The following EPHA6 variants were observed in gnomAD, a reference collection of about 807,000 sequenced individuals.
EPHA6 encodes the protein ephrin type-A receptor 6.
In EPHA6, 50 loss-of-function variants were observed where a neutral mutation model predicts 112.0. That is an observed-to-expected ratio of 0.45 (90% CI 0.36 to 0.56). EPHA6 has a LOEUF of 0.56. Ranked by LOEUF, EPHA6 falls within the 20% of genes least tolerant of loss-of-function variation. The pLI, the probability that EPHA6 is intolerant of heterozygous loss-of-function variation, is 0.00. For synonymous variants in EPHA6, 529 were observed against 490.7 expected (o/e 1.08, Z -1.03); for missense variants, 1,280 against 1,417.4 (o/e 0.90, Z 1.56).
intron 11 of EPHA6, among the ~76,000 whole-genome samples, chr3:97,590,692 A>G (rs535156847): frequency 6.6e-6 from 1 of 152,186 alleles, no homozygotes; most frequent in Non-Finnish European, 1.5e-5. Flanking sequence ...CAATAAATCC[A>G]TAATCAGCTA....
At position 97,534,468 on chromosome 3, in the gene EPHA6, T is replaced by C. The variant is rs1239997985; in HGVS notation, c.2386+1925T>C. Among the ~76,000 whole-genome samples, 48 of 150,514 alleles carry C rather than the reference T, an allele frequency of 3.2e-4. No individual in the cohort carries two copies. The East Asian group carries it at 8.0e-3, about 25-fold the overall frequency. ...TTAAAACCCACCCCCCCCTTTTTTT[T>C]TTTTTGCTTTTGCTATATCCCTTTG... On this transcript the variant is annotated intron_variant, in intron 11 of 17. Coordinates refer to ENST00000389672, the MANE Select transcript of EPHA6 (RefSeq NM_001080448.3).
chr3:97,293,548 A>G (rs901433132), intron 5 of EPHA6, among the ~76,000 whole-genome samples: 1 of 152,224 alleles, frequency 6.6e-6, no homozygotes, highest in Non-Finnish European at 1.5e-5. Flanking sequence ...AGCTCCATTC[A>G]TGCAGCAGGT....
intron 3 of EPHA6, among the ~76,000 whole-genome samples, chr3:97,052,696 G>A (rs1332467790): frequency 1.3e-5 from 2 of 151,998 alleles, no homozygotes; most frequent in African/African-American, 4.8e-5. Context: ...TCCTGACTGG[G>A]GTTTGGATTT....
At chr3:97,013,266 TTAA>T (rs1208782771) in intron 3 of EPHA6, among the ~76,000 whole-genome samples, 3 of 152,142 alleles carry the variant, frequency 2.0e-5, no homozygotes, top group Non-Finnish European at 2.9e-5. Flanking sequence ...AAAGTGTGAG[TTAA>T]TGATTTATAT....
At chr3:96,949,026 A>G (rs1401405730) in intron 2 of EPHA6, among the ~76,000 whole-genome samples, 1 of 152,142 alleles carries the variant, frequency 6.6e-6, no homozygotes, top group Non-Finnish European at 1.5e-5. Flanking sequence ...TATGCCGTAT[A>G]TCCCTTTTCA....
At chr3:97,254,918 C>T (rs2079258886) in intron 5 of EPHA6, among the ~76,000 whole-genome samples, 1 of 152,154 alleles carries the variant, frequency 6.6e-6, no homozygotes. Context: ...TGCATCGTCA[C>T]TCTTTGTAGA....
intron 2 of EPHA6, among the ~76,000 whole-genome samples, chr3:96,968,546 G>T (rs544157520): frequency 6.6e-6 from 1 of 151,506 alleles, no homozygotes; most frequent in African/African-American, 2.4e-5. Context: ...AATCATTTTT[G>T]TCAAGTACTT....
At chr3:97,107,136 T>A (rs2047592472) in intron 3 of EPHA6, among the ~76,000 whole-genome samples, 1 of 152,172 alleles carries the variant, frequency 6.6e-6, no homozygotes, top group Admixed American at 6.6e-5. Context: ...TATAGATTAA[T>A]ATTTTAATTT....
chr3:97,393,865 A>G lies in EPHA6; in HGVS notation c.1607-11285A>G, dbSNP rs2086556329. 2.0e-5 allele frequency among the ~76,000 whole-genome samples: 3 copies of G among 151,742 alleles called. No individual in the cohort carries two copies. The South Asian group carries it at 6.2e-4, about 31-fold the overall frequency. The stretch of plus-strand genomic sequence containing the variant: ...GTGCTGGGTTTATATCACTTAACAT[A>G]ATATCTAGGTTCATGCATGTTGTCA... On this transcript the variant is annotated intron_variant, in intron 5 of 17. Transcript: ENST00000389672.
intron 7 of EPHA6, among the ~76,000 whole-genome samples, chr3:97,467,295 T>C (rs992653179): frequency 3.3e-5 from 5 of 151,848 alleles, no homozygotes; most frequent in African/African-American, 1.2e-4. Flanking sequence ...TAAAATCATT[T>C]TCTTTAAATA....
At chr3:97,247,906 T>G (rs2079029651) in intron 5 of EPHA6, among the ~76,000 whole-genome samples, 1 of 152,008 alleles carries the variant, frequency 6.6e-6, no homozygotes, top group Non-Finnish European at 1.5e-5. Context: ...TAATTATTTT[T>G]TCCTACTCTA....
chr3:97,105,471 G>T (rs1248119915), intron 3 of EPHA6, among the ~76,000 whole-genome samples: 2 of 152,044 alleles, frequency 1.3e-5, no homozygotes, highest in African/African-American at 4.8e-5. Context: ...TTGAGCAATT[G>T]TTTAAGTCTT....
At chr3:96,947,124 G>C (rs1038197221) in intron 2 of EPHA6, among the ~76,000 whole-genome samples, 42 of 151,592 alleles carry the variant, frequency 2.8e-4, no homozygotes, top group Admixed American at 7.2e-4. Context: ...CTCCCATTCT[G>C]TGGGTTGCCT....
chr3:97,044,088 G>A (rs1031894693), intron 3 of EPHA6, among the ~76,000 whole-genome samples: 1 of 152,148 alleles, frequency 6.6e-6, no homozygotes, highest in African/African-American at 2.4e-5. Flanking sequence ...CTTCATACAT[G>A]TACAGATGAT....
At chr3:97,255,314 A>G (rs1264290510) in intron 5 of EPHA6, among the ~76,000 whole-genome samples, 3 of 152,162 alleles carry the variant, frequency 2.0e-5, no homozygotes, top group Non-Finnish European at 4.4e-5. Context: ...TCAAAATCGT[A>G]GTGCTTTCAC....
intron 5 of EPHA6, among the ~76,000 whole-genome samples, chr3:97,382,498 G>GAAGATCA (rs1294447397): frequency 2.0e-5 from 3 of 152,032 alleles, no homozygotes; most frequent in Non-Finnish European, 4.4e-5. Context: ...AGGAATTTTT[G>GAAGATCA]AAGATCAATT....
At position 97,211,437 on chromosome 3, in the gene EPHA6, C is replaced by T. The variant is rs552288765; in HGVS notation, c.1115-14827C>T. ...TAACAAAATATCATAGACTGTGTGG[C>T]TTAAACAGCAGAGATGTTTTTCTCA... is the stretch of plus-strand genomic sequence containing the variant. On this transcript the variant is annotated intron_variant, in intron 3 of 17. Coordinates refer to ENST00000389672, the MANE Select transcript of EPHA6 (RefSeq NM_001080448.3). Among the ~76,000 whole-genome samples the T allele has an allele frequency of 8.5e-5, 13 of 152,268 alleles. 1 individual carries two copies. The highest frequency in any genetic ancestry group is 3.1e-4 in the African/African-American group (13 of 41,542).
At chr3:97,669,223 T>G (rs1220034177) in intron 14 of EPHA6, among the ~76,000 whole-genome samples, 1 of 151,994 alleles carries the variant, frequency 6.6e-6, no homozygotes, top group Non-Finnish European at 1.5e-5. Flanking sequence ...TATGTGTCCA[T>G]TATTCTATTG....
chr3:97,592,488 T>G lies in EPHA6; in HGVS notation c.2387-124T>G, dbSNP rs922185133. On this transcript the variant is annotated intron_variant, in intron 11 of 17. Transcript: ENST00000389672. The stretch of plus-strand genomic sequence containing the variant: ...GGAGTAAAAAATGCATTCCATCCCT[T>G]TAATTTTATAACTTCTTCGTAAAAT... 3.4e-6 allele frequency: 4 copies of G among 1,180,602 alleles called. No individual in the cohort carries two copies. In the Admixed American group the frequency reaches 7.3e-5, roughly 22 times the overall value. 73.1% of individuals were successfully genotyped at this position (1,180,602 alleles called of 1,614,324 possible). A position where few individuals can be genotyped will look rare whatever the true frequency, so the allele number is the denominator to read the frequency against.
Sources: gnomAD v4.1 joint callset for allele counts (sites outside exome capture counted in the v4.1 genomes callset) on GRCh38, gnomAD v4.1.1 for gene constraint, MANE v1.5 for transcripts, NCBI Gene and HGNC (gene_info 2026-07-23, HGNC 2026-07-21) for gene names.